FGF7: variants seen among roughly 807,000 people sequenced by gnomAD.
FGF7 encodes the protein fibroblast growth factor 7.
A neutral mutation model predicts 20.5 loss-of-function variants in FGF7; 6 were observed. That is an observed-to-expected ratio of 0.29 (90% CI 0.16 to 0.58). The LOEUF is 0.58. Among genes scored for constraint, FGF7 ranks in the 20% least tolerant of loss-of-function variants. The probability of loss-of-function intolerance (pLI) is 0.90; values close to 1 mark genes in which losing one functional copy is unlikely to be tolerated. For missense variants in FGF7, 144 were observed against 228.8 expected (o/e 0.63, Z 2.39); for synonymous variants, 64 against 74.7 (o/e 0.86, Z 0.74).
chr15:49,478,441 TGAATG>T (rs1343511580), intron 2 of FGF7, among the ~76,000 whole-genome samples: 6 of 152,104 alleles, frequency 3.9e-5, no homozygotes, highest in African/African-American at 1.4e-4. Flanking sequence ...TGATGTAAAA[TGAATG>T]GAATCTATAG....
At chr15:49,429,340 C>G (rs2050393600) in intron 2 of FGF7, among the ~76,000 whole-genome samples, 1 of 151,934 alleles carries the variant, frequency 6.6e-6, no homozygotes, top group Admixed American at 6.6e-5. Context: ...AAAATATTAG[C>G]CATTCTTTGA....
rs149070268 is a variant in FGF7, at chr15:49,456,367, T to A, written c.287-26784T>A. On this transcript the variant is annotated intron_variant, in intron 2 of 3. Coordinates refer to ENST00000267843, the MANE Select transcript of FGF7 (RefSeq NM_002009.4). ...AAAGGGAAAGCAGCTGGACAGTGTC[T>A]TATATGACAAGTCATTTCTGCCAAT... Among the ~76,000 whole-genome samples the A allele has an allele frequency of 8.5e-5, 13 of 152,242 alleles. No homozygotes were observed. In the East Asian group the frequency reaches 2.5e-3, roughly 29 times the overall value.
chr15:49,435,236 T>C (rs2050995730), intron 2 of FGF7, among the ~76,000 whole-genome samples: 1 of 151,600 alleles, frequency 6.6e-6, no homozygotes, highest in Non-Finnish European at 1.5e-5. Context: ...ATAATCACTG[T>C]AAAATCGAAG....
intron 2 of FGF7, among the ~76,000 whole-genome samples, chr15:49,459,731 T>C (rs2053625451): frequency 1.3e-5 from 2 of 152,140 alleles, no homozygotes; most frequent in Non-Finnish European, 2.9e-5. Flanking sequence ...CAGGCTATAG[T>C]TCATGACATA....
intron 2 of FGF7, among the ~76,000 whole-genome samples, chr15:49,454,225 A>T (rs2053055457): frequency 6.6e-6 from 1 of 152,200 alleles, no homozygotes; most frequent in South Asian, 2.1e-4. Flanking sequence ...AATAAATTGC[A>T]CTGGAATCCC....
chr15:49,479,599 G>GTTTTTTTGTT (rs2055712240), intron 2 of FGF7, among the ~76,000 whole-genome samples: 3 of 63,290 alleles, frequency 4.7e-5, no homozygotes, highest in African/African-American at 1.9e-4. Flanking sequence ...TAATACCTCT[G>GTTTTTTTGTT]TTTTTTTTTT....
At chr15:49,440,756 CAG>C (rs1200735254) in intron 2 of FGF7, among the ~76,000 whole-genome samples, 1 of 151,664 alleles carries the variant, frequency 6.6e-6, no homozygotes, top group African/African-American at 2.4e-5. Flanking sequence ...TAGTAAACAA[CAG>C]AGTCAGGACC....
chr15:49,434,951 AT>A (rs1393854734), intron 2 of FGF7, among the ~76,000 whole-genome samples: 2 of 151,498 alleles, frequency 1.3e-5, no homozygotes, highest in African/African-American at 4.8e-5. Flanking sequence ...GGAATAATAT[AT>A]TTTTTCTGAA....
rs2049923015 is a variant in FGF7 at position 49,424,152 on chromosome 15, G to A, written c.-146G>A. ...TTGTTATCAGGAACTAAAAGGATAA[G>A]GCTAACAATTTGGAAAGAGCAACTA... On this transcript the variant is annotated 5_prime_UTR_variant, in exon 2 of 4. Coordinates refer to ENST00000267843, the MANE Select transcript of FGF7 (RefSeq NM_002009.4). 7.5e-6 allele frequency: 5 copies of A among 666,294 alleles called. No homozygotes were observed. Among genetic ancestry groups the A allele is most frequent in the South Asian group, 2.2e-5 (1 of 45,308 alleles). 41.3% of individuals were successfully genotyped at this position (666,294 alleles called of 1,614,324 possible). A position where few individuals can be genotyped will look rare whatever the true frequency, so the allele number is the denominator to read the frequency against.
intron 2 of FGF7, among the ~76,000 whole-genome samples, chr15:49,476,232 G>GTTTTTTTTTTTTATTTTTTTTTTTTTTT (rs2055281658): frequency 1.7e-5 from 1 of 57,440 alleles, no homozygotes; most frequent in Non-Finnish European, 3.6e-5. Context: ...TTTGTTTTTG[G>GTTTTTTTTTTTTATTTTTTTTTTTTTTT]TTTTTTTTTT....
chr15:49,435,206 C>T (rs1329278949), intron 2 of FGF7, among the ~76,000 whole-genome samples: 1 of 151,540 alleles, frequency 6.6e-6, no homozygotes, highest in African/African-American at 2.4e-5. Context: ...GTGTAACTTA[C>T]CTATGTCAGC....
chr15:49,473,349 TA>T (rs962118184), intron 2 of FGF7, among the ~76,000 whole-genome samples: 2 of 152,152 alleles, frequency 1.3e-5, no homozygotes, highest in African/African-American at 4.8e-5. Context: ...CAAGAGAAAG[TA>T]TAAAGAACAT....
chr15:49,465,425 C>T (rs1454759971), intron 2 of FGF7, among the ~76,000 whole-genome samples: 2 of 151,952 alleles, frequency 1.3e-5, no homozygotes, highest in Non-Finnish European at 2.9e-5. Flanking sequence ...CGTGAGCCAC[C>T]ATGCCCGGCC....
chr15:49,469,873 C>T (rs1597396254), intron 2 of FGF7, among the ~76,000 whole-genome samples: 1 of 152,000 alleles, frequency 6.6e-6, no homozygotes, highest in Non-Finnish European at 1.5e-5. Flanking sequence ...GATAAGCAAA[C>T]TCAAAATGAG....
chr15:49,476,819 G>C (rs1271242049), intron 2 of FGF7, among the ~76,000 whole-genome samples: 1 of 152,126 alleles, frequency 6.6e-6, no homozygotes, highest in East Asian at 1.9e-4. Context: ...CAGCACTTTG[G>C]GAGGCTGAGG....
intron 2 of FGF7, among the ~76,000 whole-genome samples, chr15:49,428,893 G>A (rs538692897): frequency 1.3e-5 from 2 of 152,122 alleles, no homozygotes; most frequent in South Asian, 4.1e-4. Context: ...ACTGTGATGG[G>A]ATATGGCCTA....
intron 2 of FGF7, among the ~76,000 whole-genome samples, chr15:49,454,914 A>G (rs2053135363): frequency 6.6e-6 from 1 of 152,012 alleles, no homozygotes. Flanking sequence ...CAGCCATAAT[A>G]TATTCTTAAA....
intron 2 of FGF7, among the ~76,000 whole-genome samples, chr15:49,443,286 T>C (rs981928865): frequency 1.3e-5 from 2 of 151,650 alleles, no homozygotes; most frequent in Non-Finnish European, 3.0e-5. Flanking sequence ...TTCTTTACTA[T>C]TATATATGTT....
At chr15:49,464,039 AT>A (rs1221592238) in intron 2 of FGF7, among the ~76,000 whole-genome samples, 3 of 151,438 alleles carry the variant, frequency 2.0e-5, no homozygotes, top group African/African-American at 4.8e-5. Flanking sequence ...ATAAGTTGTG[AT>A]TTTTTTTTCC....
Sources: gnomAD v4.1 joint callset for allele counts (sites outside exome capture counted in the v4.1 genomes callset) on GRCh38, gnomAD v4.1.1 for gene constraint, MANE v1.5 for transcripts, NCBI Gene and HGNC (gene_info 2026-07-23, HGNC 2026-07-21) for gene names.